Variants in COLEC10 observed in about 807,000 individuals in gnomAD.
COLEC10 encodes the protein collectin-10.
COLEC10 carries 22 observed loss-of-function variants against 28.4 expected under a neutral mutation model. The ratio of observed to expected loss-of-function variants is 0.78; its 90% confidence interval spans 0.55 to 1.11. The LOEUF (loss-of-function observed/expected upper bound fraction) is 1.11, where lower values mean the gene tolerates loss of function less well. Ranked by LOEUF, COLEC10 falls within the 50% of genes least tolerant of loss-of-function variation. COLEC10 has a pLI of 0.00. For missense variants in COLEC10, 361 were observed against 344.1 expected, an observed-to-expected ratio of 1.05 and a Z score of -0.39; for synonymous variants, 125 against 116.1, an observed-to-expected ratio of 1.08 and a Z score of -0.49.
the COLEC10 span, among the ~76,000 whole-genome samples, chr8:118,957,102 A>AT: frequency 1.3e-5 from 2 of 152,196 alleles, no homozygotes; most frequent in African/African-American, 2.4e-5. Flanking sequence ...AAGGGATACC[A>AT]TTAACAAATC....
chr8:119,091,391 A>C (rs906565019), intron 3 of COLEC10, among the ~76,000 whole-genome samples, 171 bp downstream of exon 3: 1 of 151,776 alleles, frequency 6.6e-6, no homozygotes, highest in Non-Finnish European at 1.5e-5. Flanking sequence ...CTACCAAAAA[A>C]AAAAAAAAAA....
At chr8:119,005,509 G>C (rs1215007227) in intron 1 of COLEC10, among the ~76,000 whole-genome samples, 1 of 152,134 alleles carries the variant, frequency 6.6e-6, no homozygotes, top group Non-Finnish European at 1.5e-5. Flanking sequence ...TCATATGCAT[G>C]GGACGACCTT....
the COLEC10 span, among the ~76,000 whole-genome samples, chr8:118,974,377 C>T: frequency 6.6e-6 from 1 of 151,868 alleles, no homozygotes; most frequent in Non-Finnish European, 1.5e-5. Context: ...CTGATTTATT[C>T]TAATAATTAT....
intron 2 of COLEC10, among the ~76,000 whole-genome samples, chr8:119,046,851 C>T (rs990377323): frequency 6.6e-6 from 1 of 152,166 alleles, no homozygotes; most frequent in Admixed American, 6.5e-5. Context: ...CAAATTTTAT[C>T]TAAACATGAT....
intron 3 of COLEC10, among the ~76,000 whole-genome samples, chr8:119,095,931 A>G (rs1366913519): frequency 6.6e-6 from 1 of 152,218 alleles, no homozygotes; most frequent in Non-Finnish European, 1.5e-5. Flanking sequence ...GAAGAGATAG[A>G]CAAATGAATT....
At chr8:119,048,315 A>G (rs1814618742) in intron 2 of COLEC10, among the ~76,000 whole-genome samples, 2 of 152,200 alleles carry the variant, frequency 1.3e-5, no homozygotes, top group South Asian at 4.1e-4. Flanking sequence ...GCCGCACAGG[A>G]CATAATTTTA....
intron 2 of COLEC10, among the ~76,000 whole-genome samples, chr8:119,051,510 G>A (rs1440263470): frequency 6.6e-6 from 1 of 152,172 alleles, no homozygotes; most frequent in Non-Finnish European, 1.5e-5. Flanking sequence ...GGGGACCAAA[G>A]TGTAAGTCTG....
the COLEC10 span, among the ~76,000 whole-genome samples, chr8:118,958,104 T>A: frequency 6.6e-6 from 1 of 151,974 alleles, no homozygotes. Context: ...CAGACTACAG[T>A]GGGAGAGAAA....
At chr8:119,060,594 G>GCT (rs1326516465) in intron 2 of COLEC10, among the ~76,000 whole-genome samples, 5 of 152,096 alleles carry the variant, frequency 3.3e-5, no homozygotes, top group African/African-American at 4.8e-5. Context: ...TAAGAACAGT[G>GCT]AGTTTCTTAA....
At chr8:119,054,430 T>C (rs1587023766) in intron 2 of COLEC10, among the ~76,000 whole-genome samples, 1 of 152,130 alleles carries the variant, frequency 6.6e-6, no homozygotes, top group South Asian at 2.1e-4. Flanking sequence ...TAAAGACGTT[T>C]GTATTTTAAA....
chr8:119,102,512 C>T, intron 4 of COLEC10, 111 bp downstream of exon 4: 3 of 880,288 alleles, frequency 3.4e-6, no homozygotes, highest in Non-Finnish European at 3.5e-6. Flanking sequence ...TATGCTTAAC[C>T]TTATTTTCCT....
chr8:119,081,416 A>G (rs1332883618), intron 1 of COLEC10, among the ~76,000 whole-genome samples: 2 of 152,130 alleles, frequency 1.3e-5, no homozygotes, highest in Admixed American at 1.3e-4. Flanking sequence ...TAAAAATATT[A>G]CTAATTTTTT....
the COLEC10 span, among the ~76,000 whole-genome samples, chr8:118,977,787 A>AT: frequency 5.9e-4 from 89 of 150,890 alleles, no homozygotes; most frequent in Admixed American, 9.3e-4. Flanking sequence ...AACTAAAAAA[A>AT]ATATATATAT....
chr8:118,962,233 G>A, the COLEC10 span, among the ~76,000 whole-genome samples: 7 of 152,164 alleles, frequency 4.6e-5, no homozygotes, highest in Non-Finnish European at 8.8e-5. Context: ...AGTCCAAGGC[G>A]AGTACCAACC....
At chr8:118,998,141 G>T (rs114929106) in intron 1 of COLEC10, among the ~76,000 whole-genome samples, 2,556 of 148,344 alleles carry the variant, frequency 0.017, 63 homozygotes, top group African/African-American at 0.061. Context: ...CTGCTAACTC[G>T]CAAGGTTGAC....
the COLEC10 span, among the ~76,000 whole-genome samples, chr8:118,967,587 A>G: frequency 1.3e-5 from 2 of 152,166 alleles, no homozygotes; most frequent in African/African-American, 4.8e-5. Context: ...CTTATAAAGT[A>G]CCTTCTGACT....
Position 119,039,396 on chromosome 8 carries a change from C to T in COLEC10, n.235+29843C>T, listed in dbSNP as rs527991107. Among the ~76,000 whole-genome samples the T allele has an allele frequency of 2.0e-5, 3 of 152,284 alleles. No individual in the cohort carries two copies. In the South Asian group the frequency reaches 6.2e-4, roughly 32 times the overall value. The stretch of plus-strand genomic sequence containing the variant: ...AAAGTTAATGCTTATTTAACTCTGT[C>T]TTCCTCCACCAGACTGTAAGACCTA... On this transcript the variant is annotated intron_variant and non_coding_transcript_variant, in intron 2 of 6. Coordinates refer to the COLEC10 transcript ENST00000521788.
At chr8:119,070,465 CTCTCTCTCTCT>C (rs1815084451) in intron 1 of COLEC10, among the ~76,000 whole-genome samples, 3 of 139,158 alleles carry the variant, frequency 2.2e-5, no homozygotes, top group Non-Finnish European at 3.1e-5. Context: ...CTCTCTCTCT[CTCTCTCTCTCT>C]CCTTCCCCCT....
At chr8:118,982,802 T>G in the COLEC10 span, 1 of 152,524 alleles carries the variant, frequency 6.6e-6, no homozygotes, top group Non-Finnish European at 1.5e-5. Flanking sequence ...CTGGTCAGGA[T>G]ATTTTGCTCA....
Sources: allele counts gnomAD v4.1 joint callset (sites outside exome capture counted in the v4.1 genomes callset), GRCh38; gene constraint gnomAD v4.1.1; transcripts MANE v1.5; gene names NCBI Gene and HGNC (gene_info 2026-07-23, HGNC 2026-07-21).